PCDH15: variants seen among roughly 807,000 people sequenced by gnomAD.
PCDH15 encodes the protein protocadherin related 15, also known as protocadherin-15.
A neutral mutation model predicts 178.5 loss-of-function variants in PCDH15; 129 were observed. That is an observed-to-expected ratio of 0.72 (90% confidence interval 0.63 to 0.84). PCDH15 has a LOEUF of 0.84. PCDH15 is among the 40% of genes least tolerant of loss of function. PCDH15 has a pLI of 0.00. For missense variants in PCDH15, 2,230 were observed against 2,099.9 expected (o/e 1.06, Z -1.21); for synonymous variants, 800 against 732.0 (o/e 1.09, Z -1.50).
intron 1 of PCDH15, among the ~76,000 whole-genome samples, chr10:54,694,431 C>T (rs187021898): frequency 2.6e-5 from 4 of 152,024 alleles, no homozygotes; most frequent in Admixed American, 1.3e-4. Context: ...TACAGGCATA[C>T]CTTGTTTTGC....
chr10:55,193,491 CA>C (rs1839999336), intron 1 of PCDH15, among the ~76,000 whole-genome samples: 1 of 151,840 alleles, frequency 6.6e-6, no homozygotes, highest in Admixed American at 6.6e-5. Context: ...TGATTTAAAA[CA>C]AGATAATGCA....
At chr10:55,140,344 T>C (rs1838312809) in intron 2 of PCDH15, among the ~76,000 whole-genome samples, 1 of 151,974 alleles carries the variant, frequency 6.6e-6, no homozygotes, top group African/African-American at 2.4e-5. Flanking sequence ...TCATTAAGTC[T>C]AATGCTGGCT....
chr10:55,093,502 T>A (rs936291018), intron 2 of PCDH15, among the ~76,000 whole-genome samples: 3 of 152,152 alleles, frequency 2.0e-5, no homozygotes, highest in Admixed American at 1.3e-4. Context: ...ATTTGTCAAT[T>A]TCGGCTTTTG....
At chr10:55,463,781 C>A (rs1356901072) in intron 2 of PCDH15, among the ~76,000 whole-genome samples, 1 of 151,374 alleles carries the variant, frequency 6.6e-6, no homozygotes, top group Non-Finnish European at 1.5e-5. Flanking sequence ...TATATTTGTC[C>A]TTTTCCCTGG....
chr10:53,822,777 G>C (rs1040741437), intron 32 of PCDH15: 3 of 1,613,990 alleles, frequency 1.9e-6, no homozygotes, highest in Non-Finnish European at 2.5e-6. Context: ...CAACTGTTCT[G>C]TTCCTTCTAT....
chr10:54,963,537 T>C (rs897116), intron 2 of PCDH15, among the ~76,000 whole-genome samples: 19,780 of 152,144 alleles, frequency 0.13, 2,124 homozygotes, highest in East Asian at 0.56. Flanking sequence ...TGACTGAAGA[T>C]GTTAAGATGA....
chr10:54,815,557 A>G (rs1041644561), intron 3 of PCDH15, among the ~76,000 whole-genome samples: 8 of 152,134 alleles, frequency 5.3e-5, no homozygotes, highest in Admixed American at 2.0e-4. Flanking sequence ...TCATCTCTCC[A>G]GTAAATTGCA....
At chr10:54,540,206 C>T (rs1353849102) in intron 2 of PCDH15, among the ~76,000 whole-genome samples, 1 of 151,982 alleles carries the variant, frequency 6.6e-6, no homozygotes, top group Non-Finnish European at 1.5e-5. Flanking sequence ...ATCAGCAAAA[C>T]CAAAAGTTGG....
intron 15 of PCDH15, among the ~76,000 whole-genome samples, chr10:54,092,987 T>G (rs964781771): frequency 1.2e-4 from 19 of 152,186 alleles, no homozygotes; most frequent in African/African-American, 4.3e-4. Flanking sequence ...GATAGCTTCA[T>G]GTAAACAATT....
At chr10:54,421,690 A>ATATATATATATATATATGTG (rs1301759947) in intron 3 of PCDH15, among the ~76,000 whole-genome samples, 1 of 110,968 alleles carries the variant, frequency 9.0e-6, no homozygotes, top group South Asian at 2.9e-4. Flanking sequence ...ATATATATAT[A>ATATATATATATATATATGTG]TATACACACA....
intron 3 of PCDH15, among the ~76,000 whole-genome samples, chr10:54,380,322 T>C (rs1249016259): frequency 6.6e-6 from 1 of 151,788 alleles, no homozygotes; most frequent in Non-Finnish European, 1.5e-5. Context: ...TTGACTGAAA[T>C]GGCAAATACA....
intron 3 of PCDH15, among the ~76,000 whole-genome samples, chr10:54,396,704 A>G (rs537647951): frequency 6.6e-6 from 1 of 152,186 alleles, no homozygotes; most frequent in African/African-American, 2.4e-5. Context: ...GCAATAACAT[A>G]AAGTAGAAAA....
chr10:53,983,232 TTG>T (rs753844738), intron 21 of PCDH15, among the ~76,000 whole-genome samples: 1,572 of 149,004 alleles, frequency 0.011, 22 homozygotes, highest in African/African-American at 0.029. Flanking sequence ...GTGTGTGTGT[TTG>T]TGTGTGTGTG....
At chr10:55,561,821 T>C (rs1842206477) in intron 2 of PCDH15, among the ~76,000 whole-genome samples, 2 of 151,864 alleles carry the variant, frequency 1.3e-5, no homozygotes, top group Non-Finnish European at 2.9e-5. Flanking sequence ...GAAAGTAGCA[T>C]GGTTAGTAAA....
chr10:54,687,272 A>G (rs1225039423), intron 1 of PCDH15, among the ~76,000 whole-genome samples: 1 of 152,122 alleles, frequency 6.6e-6, no homozygotes, highest in Non-Finnish European at 1.5e-5. Flanking sequence ...TTAAAAATGG[A>G]ACTACCATAT....
chr10:55,069,284 T>A (rs1215566826), intron 2 of PCDH15, among the ~76,000 whole-genome samples: 1 of 61,304 alleles, frequency 1.6e-5, no homozygotes, highest in South Asian at 5.4e-4. Flanking sequence ...AAATAACAAT[T>A]TTTTTTTTAT....
intron 35 of PCDH15, among the ~76,000 whole-genome samples, chr10:53,812,634 T>C (rs2075912327): frequency 6.6e-6 from 1 of 152,210 alleles, no homozygotes; most frequent in Non-Finnish European, 1.5e-5. Context: ...TATAGAAAGA[T>C]GTTTTTCTTG....
Position 53,875,905 on chromosome 10 carries a change from TATTAGTGAAATA to T in PCDH15, c.3502-9060_3502-9049del, listed in dbSNP as rs530137396. 5.8e-3 allele frequency among the ~76,000 whole-genome samples: 878 copies of T among 152,276 alleles called. 4 individuals are homozygous for T. Among genetic ancestry groups the T allele is most frequent in the Non-Finnish European group, 9.7e-3 (659 of 68,008 alleles). ...TAAATGAATACCATGGATGCAGAAATATTAGTGAAATAATTAGTGATGTCCTAAGAACTTTCA... is the reference window on the plus strand; with the variant it reads ...TAAATGAATACCATGGATGCAGAAATATTAGTGATGTCCTAAGAACTTTCA... On this transcript the variant is annotated intron_variant, in intron 26 of 37. Transcript: ENST00000644397.
chr10:54,234,514 C>T (rs1420052264), intron 9 of PCDH15, among the ~76,000 whole-genome samples: 2 of 152,094 alleles, frequency 1.3e-5, no homozygotes, highest in Non-Finnish European at 2.9e-5. Flanking sequence ...GATTGTGCCG[C>T]TGCACTCCAG....
Sources: allele counts gnomAD v4.1 joint callset (sites outside exome capture counted in the v4.1 genomes callset), GRCh38; gene constraint gnomAD v4.1.1; transcripts MANE v1.5; gene names NCBI Gene and HGNC (gene_info 2026-07-23, HGNC 2026-07-21).